The following ZBTB40 variants were observed in gnomAD, a reference collection of about 807,000 sequenced individuals.
The protein encoded by ZBTB40 is zinc finger and BTB domain containing 40.
A neutral mutation model predicts 117.5 loss-of-function variants in ZBTB40; 60 were observed. That is an observed-to-expected ratio of 0.51 (90% CI 0.41 to 0.63). The LOEUF (loss-of-function observed/expected upper bound fraction) is 0.63, where lower values mean the gene tolerates loss of function less well. Ranked by LOEUF, ZBTB40 falls within the 30% of genes least tolerant of loss-of-function variation. ZBTB40 has a pLI of 0.00. For missense variants in ZBTB40, 1,287 were observed against 1,498.5 expected, an observed-to-expected ratio of 0.86 and a Z score of 2.33; for synonymous variants, 525 against 577.1, an observed-to-expected ratio of 0.91 and a Z score of 1.29.
At chr1:22,476,871 T>C (rs1038224780) in intron 1 of ZBTB40, among the ~76,000 whole-genome samples, 2 of 152,222 alleles carry the variant, frequency 1.3e-5, no homozygotes, top group African/African-American at 4.8e-5. Flanking sequence ...AGGTTCCCTC[T>C]ATACCTGAGT....
intron 1 of ZBTB40, among the ~76,000 whole-genome samples, chr1:22,476,572 TA>T (rs1641553573): frequency 6.6e-6 from 1 of 152,216 alleles, no homozygotes; most frequent in East Asian, 1.9e-4. Flanking sequence ...TTTAAATGAA[TA>T]AATATTCTTT....
chr1:22,444,501 C>G (rs1320533580), intron 1 of ZBTB40, among the ~76,000 whole-genome samples: 1 of 152,192 alleles, frequency 6.6e-6, no homozygotes, highest in Non-Finnish European at 1.5e-5. Context: ...TGGTGATCAG[C>G]AGCTTCCCAA....
At chr1:22,455,981 C>G (rs964703586) in intron 1 of ZBTB40, among the ~76,000 whole-genome samples, 2 of 152,082 alleles carry the variant, frequency 1.3e-5, no homozygotes, top group Admixed American at 6.5e-5. Context: ...GAACCAGCAC[C>G]CTGAGGGAAG....
chr1:22,504,223 CT>C (rs35967511), intron 5 of ZBTB40, among the ~76,000 whole-genome samples: 1 of 152,070 alleles, frequency 6.6e-6, no homozygotes, highest in Non-Finnish European at 1.5e-5. Context: ...CCTTTTCAAA[CT>C]TTTTTTCTGG....
intron 1 of ZBTB40, among the ~76,000 whole-genome samples, chr1:22,445,057 G>A (rs917345258): frequency 2.0e-5 from 3 of 152,118 alleles, no homozygotes; most frequent in Non-Finnish European, 4.4e-5. Flanking sequence ...ACGTTCCTTA[G>A]TGCTAACATA....
chr1:22,451,095 C>T (rs1239340998), upstream of ZBTB40, among the ~76,000 whole-genome samples: 1 of 152,216 alleles, frequency 6.6e-6, no homozygotes, highest in African/African-American at 2.4e-5. Flanking sequence ...AAAGCTAGGA[C>T]TAAATCCCAA....
At chr1:22,523,542 A>G (rs1229641672) in intron 16 of ZBTB40, among the ~76,000 whole-genome samples, 1 of 152,264 alleles carries the variant, frequency 6.6e-6, no homozygotes, top group Admixed American at 6.5e-5. Context: ...GATGGAACGC[A>G]TAATATAAGA....
chr1:22,508,180 G>C, intron 7 of ZBTB40, 43 bp downstream of exon 7: 1 of 1,598,582 alleles, frequency 6.3e-7, no homozygotes. Flanking sequence ...GGTAAAATGA[G>C]AAAGAAGGAA....
chr1:22,446,265 GA>G (rs1459022890), intron 1 of ZBTB40, among the ~76,000 whole-genome samples: 4 of 146,352 alleles, frequency 2.7e-5, no homozygotes, highest in African/African-American at 9.9e-5. Flanking sequence ...AAACAAAACA[GA>G]ATGTCCTAGA....
At chr1:22,452,417 C>T (rs918490391) in intron 1 of ZBTB40, among the ~76,000 whole-genome samples, 2 of 152,236 alleles carry the variant, frequency 1.3e-5, no homozygotes, top group Admixed American at 1.3e-4. Context: ...CTCTTCCCCT[C>T]TCGGTCTTTG....
Position 22,513,449 on chromosome 1 carries a change from C to CA in ZBTB40, c.2668+329dup, listed in dbSNP as rs538946333. 2.2e-4 allele frequency among the ~76,000 whole-genome samples: 33 copies of CA among 148,202 alleles called. No individual in the cohort carries two copies. Among genetic ancestry groups the CA allele is most frequent in the East Asian group, 2.2e-3 (11 of 5,098 alleles). ...CTGTGTACCCACAAAAGTTAAGTATCAAAAAAAAAATAAGGCTGAGGCAGG... is the reference window on the plus strand; with the variant it reads ...CTGTGTACCCACAAAAGTTAAGTATCAAAAAAAAAAATAAGGCTGAGGCAGG... On this transcript the variant is annotated intron_variant, in intron 12 of 17. Transcript: ENST00000375647. The surrounding 1 kb of genome is among the most constrained non-coding windows in gnomAD (Gnocchi z 4.9).
At chr1:22,490,709 T>G (rs1218454653) in intron 2 of ZBTB40, 64 bp downstream of exon 2, 13 of 1,573,954 alleles carry the variant, frequency 8.3e-6, no homozygotes, top group Non-Finnish European at 9.5e-6. Context: ...TTTTAATGTT[T>G]GATTAATAAA....
intron 9 of ZBTB40, among the ~76,000 whole-genome samples, chr1:22,509,926 C>T (rs1639186581): frequency 6.6e-6 from 1 of 152,242 alleles, no homozygotes; most frequent in African/African-American, 2.4e-5. Context: ...TTCTAAGAAG[C>T]AGCTTCTCTC....
At chr1:22,429,285 G>C (rs1447445755) in intron 1 of ZBTB40, among the ~76,000 whole-genome samples, 1 of 152,152 alleles carries the variant, frequency 6.6e-6, no homozygotes, top group Non-Finnish European at 1.5e-5. Context: ...GGGAGGCTGA[G>C]GCAGGAGAAT....
chr1:22,485,030 T>A (rs1769820), intron 1 of ZBTB40, among the ~76,000 whole-genome samples: 48,491 of 152,104 alleles, frequency 0.32, 8,444 homozygotes, highest in East Asian at 0.45. Context: ...CTTTAGGCAT[T>A]GTTAGAGTCA....
At chr1:22,431,402 A>G (rs1007025187) in intron 1 of ZBTB40, among the ~76,000 whole-genome samples, 132 of 140,808 alleles carry the variant, frequency 9.4e-4, no homozygotes, top group African/African-American at 3.5e-3. Context: ...ATATATATAT[A>G]TATATATGTA....
chr1:22,467,091 C>T (rs1412302772), intron 1 of ZBTB40, among the ~76,000 whole-genome samples: 11 of 151,660 alleles, frequency 7.3e-5, no homozygotes, highest in East Asian at 3.9e-4. Context: ...ACTATTGCTG[C>T]GAATATAGTG....
rs566689096 is a variant in ZBTB40, at chr1:22,437,857, G to A, written c.-70+8843G>A. On this transcript the variant is annotated intron_variant, in intron 1 of 8. Transcript: ENST00000650433. ...AACCAAAACTCTGGTCGGGTGTGGT[G>A]GCTCACGCCTGTAATCCAGCACTTT... 1.2e-4 allele frequency among the ~76,000 whole-genome samples: 10 copies of A among 83,986 alleles called. No individual in the cohort carries two copies. The South Asian group carries it at 5.1e-3, about 43-fold the overall frequency. 55.1% of individuals were successfully genotyped at this position (83,986 alleles called of 152,430 possible). A position where few individuals can be genotyped will look rare whatever the true frequency, so the allele number is the denominator to read the frequency against.
At position 22,480,065 on chromosome 1, in the gene ZBTB40, G is replaced by A. The variant is rs892945781; in HGVS notation, c.-69-9815G>A. On this transcript the variant is annotated intron_variant, in intron 1 of 17. Coordinates refer to ENST00000375647, the MANE Select transcript of ZBTB40 (RefSeq NM_014870.4). The stretch of plus-strand genomic sequence containing the variant: ...GGGATTACAGGCACCCCCCCACCAC[G>A]CCAGCTAGTTTTTATATTTTTAGTA... Among the ~76,000 whole-genome samples the A allele has an allele frequency of 1.1e-4, 16 of 152,088 alleles. No homozygotes were observed. The East Asian group carries it at 2.7e-3, about 26-fold the overall frequency.
Sources: gnomAD v4.1 joint callset for allele counts (sites outside exome capture counted in the v4.1 genomes callset) on GRCh38, gnomAD v4.1.1 for gene constraint, Gnocchi (gnomAD v3.1) non-coding constraint, MANE v1.5 for transcripts, NCBI Gene and HGNC (gene_info 2026-07-23, HGNC 2026-07-21) for gene names.